NFATC2IP: variants seen among roughly 807,000 people sequenced by gnomAD.
The protein encoded by NFATC2IP is NFATC2-interacting protein.
In NFATC2IP, 25 loss-of-function variants were observed where a neutral mutation model predicts 40.2. The ratio of observed to expected loss-of-function variants is 0.62; its 90% CI spans 0.45 to 0.87. NFATC2IP has a LOEUF of 0.87. NFATC2IP is among the 40% of genes least tolerant of loss of function. NFATC2IP has a pLI of 0.00. For synonymous variants in NFATC2IP, 241 were observed against 236.3 expected, an observed-to-expected ratio of 1.02 and a Z score of -0.18; for missense variants, 553 against 555.6, an observed-to-expected ratio of 1.00 and a Z score of 0.05.
rs1223018183 is a variant in NFATC2IP at position 28,952,194 on chromosome 16, G to C, written c.450G>C (p.Gly150=). 2 of 1,613,588 alleles carry C rather than the reference G, an allele frequency of 1.2e-6. No homozygotes were observed. The highest frequency in any genetic ancestry group is 1.3e-5 in the African/African-American group (1 of 74,992). Residue 150 remains glycine, a synonymous_variant, in exon 2 of 8, where the codon GGG becomes GGC. Coordinates refer to ENST00000320805, the MANE Select transcript of NFATC2IP (RefSeq NM_032815.4). ...DLSLLKLYPP[G]DEEEAELADS... is the part of the protein sequence containing the mutation. ...CCCTCCTGAAACTCTACCCTCCAGG[G>C]GATGAGGAAGGTAAGGGAGGGCCTC...
At position 28,951,021 on chromosome 16, in the gene NFATC2IP, C is replaced by A; in HGVS notation, c.10C>A (p.Pro4Thr). Residue 4 changes from proline (P) to threonine (T), a missense_variant, in exon 1 of 8, where the codon CCT becomes ACT. Physicochemically the swap from Pro to Thr is conservative, Grantham distance 38. Coordinates refer to ENST00000320805, the MANE Select transcript of NFATC2IP (RefSeq NM_032815.4). ...TGGAGGAAAGTGTGCCATGGCGGAG[C>A]CTGTGGGGAAGCGGGGCCGCTGGTC... MAE[P>T]VGKRGRWSGG... is the part of the protein sequence containing the mutation. 3 of 1,521,184 alleles carry A rather than the reference C, an allele frequency of 2.0e-6. No individual in the cohort carries two copies. Among genetic ancestry groups the A allele is most frequent in the Admixed American group, 2.1e-5 (1 of 46,790 alleles). The allele number at this position is 1,521,184 out of a possible 1,614,324, so 94.2% of individuals were successfully genotyped here. A position where few individuals can be genotyped will look rare whatever the true frequency, so the allele number is the denominator to read the frequency against.
intron 7 of NFATC2IP, among the ~76,000 whole-genome samples, chr16:28,963,002 G>C (rs1295185413): frequency 6.6e-6 from 1 of 152,214 alleles, no homozygotes; most frequent in Non-Finnish European, 1.5e-5. Context: ...TTGGGCAACA[G>C]AGAAACTGTC....
In NFATC2IP at chr16:28,951,059, T is replaced by A; in HGVS notation, c.48T>A (p.Gly16=). ...GKRGRWSGGS[G]AGRGGRGGWG... The stretch of plus-strand genomic sequence containing the variant: ...GGGGCCGCTGGTCCGGAGGTAGCGG[T>A]GCCGGCCGAGGGGGTCGGGGCGGCT... The change falls in exon 1 of 8, where the codon GGT becomes GGA. Residue 16 remains glycine, a synonymous_variant. Transcript: ENST00000320805. 1 of 1,539,044 alleles carries A rather than the reference T, an allele frequency of 6.5e-7. No individual in the cohort carries two copies. Among genetic ancestry groups the A allele is most frequent in the Non-Finnish European group, 8.7e-7 (1 of 1,143,650 alleles).
At chr16:28,952,249 CTT>C in intron 2 of NFATC2IP, 45 bp downstream of exon 2, 1 of 1,611,632 alleles carries the variant, frequency 6.2e-7, no homozygotes. Context: ...GCTGGCTTCT[CTT>C]AAGAGAATTC....
In NFATC2IP at chr16:28,966,571, GTC is replaced by G. The variant is rs926171140; in HGVS notation, c.*2712_*2713del. The G allele has an allele frequency of 2.3e-5, 3 of 127,932 alleles. No homozygotes were observed. The highest frequency in any genetic ancestry group is 9.1e-5 in the Admixed American group (1 of 10,980). 7.9% of individuals were successfully genotyped at this position (127,932 alleles called of 1,614,324 possible). On this transcript the variant is annotated 3_prime_UTR_variant, in exon 8 of 8. Coordinates refer to ENST00000320805, the MANE Select transcript of NFATC2IP (RefSeq NM_032815.4). ...GTTAGGAATTCAAGACTGAAACCTT[GTC>G]TCTACTGAAAATACAAAAAAAAAAA...
chr16:28,953,927 A>G (rs1270250963), intron 2 of NFATC2IP, among the ~76,000 whole-genome samples: 2 of 146,130 alleles, frequency 1.4e-5, no homozygotes, highest in African/African-American at 4.9e-5. Flanking sequence ...CAAAAAAAAA[A>G]AAAGAAAAAC....
rs1419449841 is a variant in NFATC2IP at position 28,963,727 on chromosome 16, T to TGAG, written c.1125_1126insAGG (p.Met375_Ser376insArg). On this transcript the variant is annotated inframe_insertion, in exon 8 of 8. Coordinates refer to ENST00000320805, the MANE Select transcript of NFATC2IP (RefSeq NM_032815.4). ...CAGGATTCCCCTCTAAAGACCCTCA[T>TGAG]GTCCCACTATGAGGAGGCCATGGGA... 6.2e-7 allele frequency: 1 copy of TGAG among 1,613,990 alleles called. No homozygotes were observed. The highest frequency in any genetic ancestry group is 8.5e-7 in the Non-Finnish European group (1 of 1,179,932).
chr16:28,966,444 T>TAAAAAAAAAAAAAAAAAAAAAA lies in NFATC2IP; in HGVS notation c.*2602_*2603insAAAAAAAAAAAAAAAAAAAAAA, dbSNP rs869184973. Reference sequence around the variant, plus strand: ...GGCAACACAGCGAGACCTTGTCTCTTAAAAAAAAAAAAAAAAAAAAATGAG... The same window carrying TAAAAAAAAAAAAAAAAAAAAAA: ...GGCAACACAGCGAGACCTTGTCTCTTAAAAAAAAAAAAAAAAAAAAAAAAAAAAAAAAAAAAAAAAAAATGAG... On this transcript the variant is annotated 3_prime_UTR_variant, in exon 8 of 8. Transcript: ENST00000320805. 1.6e-5 allele frequency: 2 copies of TAAAAAAAAAAAAAAAAAAAAAA among 122,096 alleles called. No homozygotes were observed. Among genetic ancestry groups the TAAAAAAAAAAAAAAAAAAAAAA allele is most frequent in the African/African-American group, 6.4e-5 (2 of 31,482 alleles). 7.6% of individuals were successfully genotyped at this position (122,096 alleles called of 1,614,324 possible). A position where few individuals can be genotyped will look rare whatever the true frequency, so the allele number is the denominator to read the frequency against.
chr16:28,952,846 G>A (rs1030401132), intron 2 of NFATC2IP, among the ~76,000 whole-genome samples: 1 of 151,430 alleles, frequency 6.6e-6, no homozygotes, highest in Non-Finnish European at 1.5e-5. Context: ...GGGTTCAAGC[G>A]ATTCTCCTGC....
chr16:28,955,690 C>T (rs188747468), intron 3 of NFATC2IP, among the ~76,000 whole-genome samples: 192 of 152,182 alleles, frequency 1.3e-3, no homozygotes, highest in Non-Finnish European at 1.9e-3. Context: ...CCTCAAATTC[C>T]TGGGTTCAAG....
At chr16:28,962,376 C>G (rs954858124) in intron 7 of NFATC2IP, among the ~76,000 whole-genome samples, 1 of 152,192 alleles carries the variant, frequency 6.6e-6, no homozygotes, top group Non-Finnish European at 1.5e-5. Context: ...GCACCATTCT[C>G]CAGGAATCAC....
chr16:28,963,855 TG>T lies in NFATC2IP; in HGVS notation c.1256del (p.Gly419AlafsTer8), dbSNP rs772298290. On this transcript the variant is annotated frameshift_variant, in exon 8 of 8. Transcript: ENST00000320805. LOFTEE classifies it high-confidence loss of function. ...GMESGDLIEV[W>X]G ...GGAATCTGGGGACCTCATTGAGGTC[TG>T]GGGCTGACACCCCACTCCCTGTTTG... 1.3e-5 allele frequency: 21 copies of T among 1,613,960 alleles called. No homozygotes were observed. The South Asian group carries it at 2.3e-4, about 18-fold the overall frequency.
chr16:28,951,505 G>A, intron 1 of NFATC2IP, 107 bp downstream of exon 1: 1 of 1,131,586 alleles, frequency 8.8e-7, no homozygotes, highest in Non-Finnish European at 1.1e-6. Flanking sequence ...TGAGGCTGGC[G>A]TTCTGGGGCT....
In NFATC2IP at chr16:28,964,161, C is replaced by T. The variant is rs972272005; in HGVS notation, c.*298C>T. The stretch of plus-strand genomic sequence containing the variant: ...ACCCCTCCCCTTTCACCACCATCCT[C>T]TTTTCCTCATGGAAATGTCTGCTTT... On this transcript the variant is annotated 3_prime_UTR_variant, in exon 8 of 8. Coordinates refer to ENST00000320805, the MANE Select transcript of NFATC2IP (RefSeq NM_032815.4). 5 of 355,064 alleles carry T rather than the reference C, an allele frequency of 1.4e-5. No homozygotes were observed. The highest frequency in any genetic ancestry group is 1.0e-4 in the African/African-American group (5 of 49,160). The allele number at this position is 355,064 out of a possible 1,614,324, so 22.0% of individuals were successfully genotyped here. A position where few individuals can be genotyped will look rare whatever the true frequency, so the allele number is the denominator to read the frequency against.
chr16:28,951,077 G>A lies in NFATC2IP; in HGVS notation c.66G>A (p.Arg22=). 1 of 1,542,040 alleles carries A rather than the reference G, an allele frequency of 6.5e-7. No individual in the cohort carries two copies. Among genetic ancestry groups the A allele is most frequent in the Non-Finnish European group, 8.7e-7 (1 of 1,143,298 alleles). ...SGGSGAGRGG[R]GGWGGRGRRP... The stretch of plus-strand genomic sequence containing the variant: ...GTAGCGGTGCCGGCCGAGGGGGTCG[G>A]GGCGGCTGGGGCGGTCGGGGCCGGC... The change falls in exon 1 of 8, where the codon CGG becomes CGA. Residue 22 remains arginine (R), a synonymous_variant. Coordinates refer to ENST00000320805, the MANE Select transcript of NFATC2IP (RefSeq NM_032815.4).
intron 2 of NFATC2IP, 84 bp from the exon 3 acceptor site, chr16:28,954,481 T>A: frequency 1.2e-6 from 1 of 856,880 alleles, no homozygotes; most frequent in Non-Finnish European, 1.9e-6. Flanking sequence ...TAGGACCTTC[T>A]TGAAGCCTCT....
In NFATC2IP at chr16:28,958,763, G is replaced by T. The variant is rs370147554; in HGVS notation, c.893G>T (p.Gly298Val). 1.2e-6 allele frequency: 2 copies of T among 1,613,976 alleles called. No homozygotes were observed. The highest frequency in any genetic ancestry group is 1.7e-6 in the Non-Finnish European group (2 of 1,179,894). Residue 298 changes from glycine to valine, a missense_variant, in exon 6 of 8, where the codon GGG (glycine) becomes GTG (valine). Gly to Val is a moderately radical substitution (Grantham distance 109). Coordinates refer to ENST00000320805, the MANE Select transcript of NFATC2IP (RefSeq NM_032815.4). ...GTGGACCACATGGCCACCCACCTTG[G>T]GGTGTCCCCAAGCAGGATCCTTTTG... Reference protein sequence around the residue: ...SVVDHMATHLGVSPSRILLLF... With the variant: ...SVVDHMATHLVVSPSRILLLF...
At chr16:28,955,841 A>C in intron 3 of NFATC2IP, 137 bp from the exon 4 acceptor site, 1 of 708,052 alleles carries the variant, frequency 1.4e-6, no homozygotes, top group South Asian at 1.7e-5. Context: ...CTCCTGGCTC[A>C]GCCTCCAAAA....
chr16:28,956,704 G>C (rs2141642656), intron 5 of NFATC2IP: 1 of 208,000 alleles, frequency 4.8e-6, no homozygotes, highest in South Asian at 9.1e-5. Context: ...CAGGTGTGAA[G>C]CATCCTGTCT....
Sources: allele counts gnomAD v4.1 joint callset (sites outside exome capture counted in the v4.1 genomes callset), GRCh38; gene constraint gnomAD v4.1.1; transcripts MANE v1.5; gene names NCBI Gene and HGNC (gene_info 2026-07-23, HGNC 2026-07-21).